Variants in DNAH6 observed in about 807,000 individuals in gnomAD.
The protein encoded by DNAH6 is axonemal beta dynein heavy chain 6.
In DNAH6, 340 loss-of-function variants were observed where a neutral mutation model predicts 491.4. That is an observed-to-expected ratio of 0.69 (90% CI 0.63 to 0.76). The LOEUF is 0.76. Among genes scored for constraint, DNAH6 ranks in the 30% least tolerant of loss-of-function variants. DNAH6 has a pLI of 0.00. For synonymous variants in DNAH6, 1,603 were observed against 1,686.1 expected (o/e 0.95, Z 1.21); for missense variants, 4,443 against 4,972.2 (o/e 0.89, Z 3.20).
At position 84,658,429 on chromosome 2, in the gene DNAH6, A is replaced by G. The variant is rs1323421804; in HGVS notation, c.5895A>G (p.Leu1965=). The change falls in exon 36 of 77, where the codon TTA becomes TTG. Residue 1965 remains leucine, a synonymous_variant. Transcript: ENST00000389394. ...DISKVTTLCC[L]LESLILGKDG... is the part of the protein sequence containing the mutation. ...GCAAAGTTACTACACTCTGTTGCTT[A>G]TTGGAGTCCTTGATACTTGGGAAAG... The G allele has an allele frequency of 6.5e-7, 1 of 1,542,474 alleles. No homozygotes were observed. The highest frequency in any genetic ancestry group is 8.8e-7 in the Non-Finnish European group (1 of 1,142,526).
intron 4 of DNAH6, among the ~76,000 whole-genome samples, chr2:84,532,657 C>A (rs1677289847): frequency 6.6e-6 from 1 of 151,930 alleles, no homozygotes; most frequent in Admixed American, 6.6e-5. Context: ...CTCTGATAAG[C>A]CTATTGAATT....
chr2:84,747,282 T>C (rs968355279), intron 63 of DNAH6, among the ~76,000 whole-genome samples: 2 of 152,154 alleles, frequency 1.3e-5, no homozygotes, highest in African/African-American at 4.8e-5. Flanking sequence ...TACGAACCCA[T>C]GAGATCAAAA....
At chr2:84,703,362 C>T (rs1696113780) in intron 49 of DNAH6, 33 bp from the exon 50 acceptor site, 1 of 1,430,864 alleles carries the variant, frequency 7.0e-7, no homozygotes, top group Admixed American at 2.5e-5. Flanking sequence ...GTTTATAATG[C>T]TCATTATAAT....
At chr2:84,475,717 T>C in the DNAH6 span, among the ~76,000 whole-genome samples, 3 of 152,174 alleles carry the variant, frequency 2.0e-5, no homozygotes, top group Non-Finnish European at 2.9e-5. Context: ...ATTAGCATCG[T>C]CATATGCAAG....
At chr2:84,625,156 T>A in intron 29 of DNAH6, 93 bp downstream of exon 29, 1 of 1,174,818 alleles carries the variant, frequency 8.5e-7, no homozygotes, top group Non-Finnish European at 1.1e-6. Flanking sequence ...AAGAATGGAG[T>A]GATGACAAGC....
chr2:84,478,605 T>G, the DNAH6 span, among the ~76,000 whole-genome samples: 2 of 152,248 alleles, frequency 1.3e-5, no homozygotes, highest in African/African-American at 2.4e-5. Context: ...TGAGCCCTAT[T>G]GCAGATTTGG....
At chr2:84,747,420 A>G (rs1198057842) in intron 63 of DNAH6, among the ~76,000 whole-genome samples, 2 of 152,218 alleles carry the variant, frequency 1.3e-5, no homozygotes, top group East Asian at 1.9e-4. Flanking sequence ...CCAGTAGGGA[A>G]GACACTAAAT....
chr2:84,530,668 T>A (rs908563205), intron 4 of DNAH6, among the ~76,000 whole-genome samples: 2 of 152,052 alleles, frequency 1.3e-5, no homozygotes, highest in Non-Finnish European at 2.9e-5. Context: ...GAAGACAAAT[T>A]GAAGGCCGTA....
chr2:84,478,163 C>T, the DNAH6 span, among the ~76,000 whole-genome samples: 1 of 152,154 alleles, frequency 6.6e-6, no homozygotes, highest in South Asian at 2.1e-4. Context: ...GAAGATGGTA[C>T]AACACAAATC....
rs781349744 is a variant in DNAH6, at chr2:84,584,006, G to C, written c.2237G>C (p.Ser746Thr). 1 of 1,613,052 alleles carries C rather than the reference G, an allele frequency of 6.2e-7. No individual in the cohort carries two copies. Among genetic ancestry groups the C allele is most frequent in the South Asian group, 1.1e-5 (1 of 90,804 alleles). The stretch of plus-strand genomic sequence containing the variant: ...AACTATGTTTCCATTTAGATTGAAA[G>C]CCTTGAAGATGAGGGGAATATAGTG... The part of the protein sequence containing the change: ...FLDEIQERIE[S>T]LEDEGNIVTQ... The change falls in exon 15 of 77, where the codon AGC becomes ACC. Residue 746 changes from serine (S) to threonine (T), a missense_variant. This residue lies in a region of DNAH6 where 2,977 missense variants were observed against 3,296.6 expected (regional missense o/e 0.90). Coordinates refer to ENST00000389394, the MANE Select transcript of DNAH6 (RefSeq NM_001370.2).
chr2:84,562,365 TAAAAGA>T (rs1680769408), intron 11 of DNAH6, among the ~76,000 whole-genome samples: 2 of 152,136 alleles, frequency 1.3e-5, no homozygotes, highest in African/African-American at 2.4e-5. Context: ...ATTCATCTAT[TAAAAGA>T]AAAAGATTTT....
At chr2:84,571,539 G>C (rs1681871265) in intron 11 of DNAH6, among the ~76,000 whole-genome samples, 1 of 152,100 alleles carries the variant, frequency 6.6e-6, no homozygotes, top group African/African-American at 2.4e-5. Flanking sequence ...ACACACACAT[G>C]CACATATACA....
intron 29 of DNAH6, among the ~76,000 whole-genome samples, chr2:84,629,202 A>G (rs1045800716): frequency 2.0e-5 from 3 of 152,124 alleles, no homozygotes; most frequent in Non-Finnish European, 4.4e-5. Flanking sequence ...AGTATTTGCT[A>G]CTGTAAGCAA....
At chr2:84,611,970 C>A in intron 22 of DNAH6, 116 bp downstream of exon 22, 1 of 900,842 alleles carries the variant, frequency 1.1e-6, no homozygotes, top group Non-Finnish European at 1.6e-6. Flanking sequence ...CCATTCAACC[C>A]TTGATTCTAG....
rs549322522 is a variant in DNAH6 at position 84,652,263 on chromosome 2, G to A, written c.5079-1056G>A. On this transcript the variant is annotated intron_variant, in intron 33 of 76. Transcript: ENST00000389394. ...TTTATATTAACATAAGTGGTTTTAC[G>A]AAGGCGCCTATTTCCCCATAAGTGT... 1.7e-4 allele frequency among the ~76,000 whole-genome samples: 26 copies of A among 151,926 alleles called. No individual in the cohort carries two copies. In the East Asian group the frequency reaches 3.1e-3, roughly 18 times the overall value.
intron 52 of DNAH6, among the ~76,000 whole-genome samples, chr2:84,706,154 A>G (rs1696406135): frequency 1.3e-5 from 2 of 152,192 alleles, no homozygotes; most frequent in Non-Finnish European, 2.9e-5. Flanking sequence ...AAAAAGAATG[A>G]TCATTTAGTG....
intron 10 of DNAH6, among the ~76,000 whole-genome samples, chr2:84,555,219 G>A (rs1246203528): frequency 6.6e-6 from 1 of 152,050 alleles, no homozygotes; most frequent in Non-Finnish European, 1.5e-5. Flanking sequence ...TTCTTACTTT[G>A]CTCTTGCTTA....
chr2:84,490,872 G>T, the DNAH6 span, among the ~76,000 whole-genome samples: 1 of 151,820 alleles, frequency 6.6e-6, no homozygotes, highest in Non-Finnish European at 1.5e-5. Context: ...ATGAATATAT[G>T]ATTTTTAATT....
At chr2:84,658,573 A>C in intron 36 of DNAH6, 99 bp downstream of exon 36, 1 of 892,100 alleles carries the variant, frequency 1.1e-6, no homozygotes, top group Middle Eastern at 2.5e-4. Flanking sequence ...TAACCATTTG[A>C]TTTTTAAGTT....
Sources: gnomAD v4.1 joint callset for allele counts (sites outside exome capture counted in the v4.1 genomes callset) on GRCh38, gnomAD v4.1.1 for gene constraint, gnomAD v4.1.1 regional missense constraint, MANE v1.5 for transcripts, NCBI Gene and HGNC (gene_info 2026-07-23, HGNC 2026-07-21) for gene names.